ADCY5: variants seen among roughly 807,000 people sequenced by gnomAD.
The protein encoded by ADCY5 is adenylate cyclase 5.
Under a neutral mutation model 119.7 loss-of-function variants are expected in ADCY5, and 30 were observed. That is an observed-to-expected ratio of 0.25 (90% CI 0.19 to 0.34). ADCY5 has a LOEUF of 0.34. ADCY5 is among the 10% of genes least tolerant of loss of function. The pLI is 1.00. For missense variants in ADCY5, 1,324 were observed against 1,775.2 expected (o/e 0.75, Z 4.57); for synonymous variants, 753 against 762.2 (o/e 0.99, Z 0.20).
chr3:123,333,993 T>C (rs968468342), intron 3 of ADCY5, among the ~76,000 whole-genome samples: 3 of 152,152 alleles, frequency 2.0e-5, no homozygotes, highest in Non-Finnish European at 4.4e-5. Context: ...CAGCTGGTGA[T>C]AGATCTTTCA....
intron 1 of ADCY5, among the ~76,000 whole-genome samples, chr3:123,363,175 C>CAAAA (rs58090373): frequency 1.1e-5 from 1 of 90,124 alleles, no homozygotes; most frequent in Admixed American, 1.2e-4. Context: ...AATTGAAGAA[C>CAAAA]AAAAAAAAAA....
chr3:123,342,087 T>C (rs541726671), intron 3 of ADCY5, among the ~76,000 whole-genome samples: 2 of 152,256 alleles, frequency 1.3e-5, no homozygotes, highest in African/African-American at 4.8e-5. Context: ...TGAACCATCG[T>C]GGCCGGCCCA....
At chr3:123,358,230 T>C (rs1332651492) in intron 1 of ADCY5, among the ~76,000 whole-genome samples, 1 of 147,170 alleles carries the variant, frequency 6.8e-6, no homozygotes, top group Non-Finnish European at 1.5e-5. Context: ...ACGTGACATA[T>C]ACCCACAGTA....
At chr3:123,397,373 C>T (rs1944631075) in intron 1 of ADCY5, among the ~76,000 whole-genome samples, 1 of 152,350 alleles carries the variant, frequency 6.6e-6, no homozygotes, top group African/African-American at 2.4e-5. Flanking sequence ...CAGTGGCTCA[C>T]GCCTGTGATC....
At chr3:123,378,097 T>C (rs1414325690) in intron 1 of ADCY5, among the ~76,000 whole-genome samples, 2 of 152,160 alleles carry the variant, frequency 1.3e-5, no homozygotes, top group African/African-American at 2.4e-5. Flanking sequence ...AGCTCAGGTA[T>C]AGCAGTCGCC....
At chr3:123,320,211 G>A (rs1406076216) in intron 9 of ADCY5, among the ~76,000 whole-genome samples, 30 of 152,372 alleles carry the variant, frequency 2.0e-4, no homozygotes, top group Non-Finnish European at 1.0e-4. Flanking sequence ...CAGGCAGTGA[G>A]AGTTTCTGCC....
chr3:123,407,009 G>A (rs533410738), intron 1 of ADCY5, among the ~76,000 whole-genome samples: 22 of 152,204 alleles, frequency 1.4e-4, no homozygotes, highest in Admixed American at 3.3e-4. Flanking sequence ...CTTTGAAACC[G>A]TCCACACCCA....
chr3:123,380,215 C>T (rs1472778748), intron 1 of ADCY5, among the ~76,000 whole-genome samples: 1 of 152,180 alleles, frequency 6.6e-6, no homozygotes, highest in African/African-American at 2.4e-5. Context: ...TTACCAATGC[C>T]ATCCATGTGA....
At chr3:123,444,651 A>G (rs988323873) in intron 1 of ADCY5, among the ~76,000 whole-genome samples, 6 of 152,232 alleles carry the variant, frequency 3.9e-5, no homozygotes, top group Admixed American at 6.5e-5. Flanking sequence ...AGCCCCACAC[A>G]TAAGAGAGGC....
chr3:123,304,191 G>T lies in ADCY5; in HGVS notation c.2443-8C>A. 6.7e-7 allele frequency: 1 copy of T among 1,488,074 alleles called. No individual in the cohort carries two copies. The highest frequency in any genetic ancestry group is 9.4e-7 in the Non-Finnish European group (1 of 1,067,670). The allele number at this position is 1,488,074 out of a possible 1,614,324, so 92.2% of individuals were successfully genotyped here. A position where few individuals can be genotyped will look rare whatever the true frequency, so the allele number is the denominator to read the frequency against. On this transcript the variant is annotated splice_region_variant and splice_polypyrimidine_tract_variant and intron_variant, in intron 12 of 20. Coordinates refer to ENST00000462833, the MANE Select transcript of ADCY5 (RefSeq NM_183357.3). ...CAGTGGGGAGGGGAAGAGCTAGGGT[G>T]GGGGCAGGGGTGGAGAGGGAGGGAG... is the stretch of plus-strand genomic sequence containing the variant.
chr3:123,434,644 T>C (rs1945576370), intron 1 of ADCY5, among the ~76,000 whole-genome samples: 1 of 152,218 alleles, frequency 6.6e-6, no homozygotes, highest in Admixed American at 6.5e-5. Context: ...AGCCACTGTC[T>C]AGTCCAGGTC....
intron 1 of ADCY5, among the ~76,000 whole-genome samples, chr3:123,376,394 C>T (rs1943834576): frequency 6.7e-6 from 1 of 148,244 alleles, no homozygotes; most frequent in African/African-American, 2.5e-5. Flanking sequence ...GGTTCTTGGC[C>T]TTCGTGCATT....
intron 4 of ADCY5, 35 bp from the exon 5 acceptor site, chr3:123,331,051 G>C (rs199531809): frequency 3.1e-6 from 5 of 1,588,958 alleles, no homozygotes; most frequent in East Asian, 4.5e-5. Flanking sequence ...ATTAAAAATA[G>C]TAGGAAAGAG....
chr3:123,311,226 G>C (rs988867843), intron 12 of ADCY5, among the ~76,000 whole-genome samples: 1 of 152,214 alleles, frequency 6.6e-6, no homozygotes, highest in Admixed American at 6.5e-5. Context: ...AAGTTTCTGC[G>C]TTCTGGTAAA....
chr3:123,396,508 A>G (rs1944571677), intron 1 of ADCY5, among the ~76,000 whole-genome samples: 1 of 125,536 alleles, frequency 8.0e-6, no homozygotes, highest in African/African-American at 2.9e-5. Flanking sequence ...AAAATAAGAG[A>G]AAGAAAGAAA....
intron 5 of ADCY5, among the ~76,000 whole-genome samples, chr3:123,330,039 A>T (rs1438351612): frequency 2.0e-5 from 3 of 152,136 alleles, no homozygotes; most frequent in Non-Finnish European, 2.9e-5. Flanking sequence ...CCGTGTCCAC[A>T]TGACGTGCCT....
chr3:123,307,397 G>A (rs1254736605), intron 12 of ADCY5, among the ~76,000 whole-genome samples: 1 of 152,188 alleles, frequency 6.6e-6, no homozygotes, highest in Non-Finnish European at 1.5e-5. Context: ...TCAAGACTTA[G>A]TAAAGTGATG....
intron 3 of ADCY5, among the ~76,000 whole-genome samples, chr3:123,336,441 A>G (rs1207722782): frequency 6.6e-6 from 1 of 152,236 alleles, no homozygotes; most frequent in Non-Finnish European, 1.5e-5. Context: ...TCAAACACAA[A>G]GCTGGCAGGC....
In ADCY5 at chr3:123,319,695, C is replaced by T; in HGVS notation, c.2235G>A (p.Arg745=). 1.2e-6 allele frequency: 2 copies of T among 1,614,232 alleles called. No homozygotes were observed. Among genetic ancestry groups the T allele is most frequent in the Non-Finnish European group, 1.7e-6 (2 of 1,180,032 alleles). Residue 745 remains arginine (R), a synonymous_variant, in exon 10 of 21, where the codon AGG becomes AGA. Transcript: ENST00000462833. The stretch of plus-strand genomic sequence containing the variant: ...GTACCTTCTTCTCTAAGTCAGGCTC[C>T]CTGAAGGTCAGGAGGAACTTGCGGA... The part of the protein sequence containing the change: ...EHVRKFLLTF[R]EPDLEKKYSK...
Sources: gnomAD v4.1 joint callset for allele counts (sites outside exome capture counted in the v4.1 genomes callset) on GRCh38, gnomAD v4.1.1 for gene constraint, MANE v1.5 for transcripts, NCBI Gene and HGNC (gene_info 2026-07-23, HGNC 2026-07-21) for gene names.